Variants in GCGR observed in about 807,000 individuals in gnomAD.
The protein encoded by GCGR is glucagon receptor.
Under a neutral mutation model 56.1 loss-of-function variants are expected in GCGR, and 41 were observed. The observed-to-expected ratio is 0.73, with a 90% CI of 0.57 to 0.95. The LOEUF is 0.95. GCGR is among the 40% of genes least tolerant of loss of function. GCGR has a pLI of 0.00. For synonymous variants in GCGR, 278 were observed against 271.1 expected (o/e 1.03, Z -0.25); for missense variants, 595 against 638.2 (o/e 0.93, Z 0.73).
At position 81,810,365 on chromosome 17, in the gene GCGR, AG is replaced by A. The variant is rs922011931; in HGVS notation, c.164-454del. 9.2e-6 allele frequency: 3 copies of A among 325,086 alleles called. No homozygotes were observed. Among genetic ancestry groups the A allele is most frequent in the South Asian group, 5.8e-5 (2 of 34,428 alleles). 20.1% of individuals were successfully genotyped at this position (325,086 alleles called of 1,614,324 possible). The stretch of plus-strand genomic sequence containing the variant: ...GAGGGAGGCAGCCACCACTGGGCAG[AG>A]GGGGGCAGGTGTGGCAGCCTCCATT... On this transcript the variant is annotated intron_variant, in intron 3 of 13. Transcript: ENST00000400723. This position sits in a 1 kb window ranked among gnomAD's most constrained non-coding sequence, Gnocchi z 4.6.
chr17:81,813,819 C>G lies in GCGR; in HGVS notation c.*130C>G. 2.4e-6 allele frequency: 2 copies of G among 818,230 alleles called. No individual in the cohort carries two copies. Among genetic ancestry groups the G allele is most frequent in the South Asian group, 1.8e-5 (1 of 56,472 alleles). 50.7% of individuals were successfully genotyped at this position (818,230 alleles called of 1,614,324 possible). ...AGCAGCCCCCACCTACCCCCCACCC[C>G]CAGTGTGGCTGTCTGCGAGATTGGG... On this transcript the variant is annotated 3_prime_UTR_variant, in exon 14 of 14. Transcript: ENST00000400723. This position sits in a 1 kb window ranked among gnomAD's most constrained non-coding sequence, Gnocchi z 5.3.
At position 81,812,611 on chromosome 17, in the gene GCGR, T is replaced by C. The variant is rs1310958309; in HGVS notation, c.983T>C (p.Leu328Pro). Residue 328 changes from leucine to proline, a missense_variant, in exon 11 of 14, where the codon CTG becomes CCG. Coordinates refer to ENST00000400723, the MANE Select transcript of GCGR (RefSeq NM_000160.5). This position sits in a 1 kb window ranked among gnomAD's most constrained non-coding sequence, Gnocchi z 8.5. ...TTCATCTTCGTCCGCATCGTTCAGC[T>C]GCTCGTGGCCAAGCTGCGGGCACGG... Reference protein sequence around the residue: ...NFFIFVRIVQLLVAKLRARQM... With the variant: ...NFFIFVRIVQPLVAKLRARQM... 6.5e-7 allele frequency: 1 copy of C among 1,536,548 alleles called. No homozygotes were observed.
In GCGR at chr17:81,806,787, C is replaced by T. The variant is rs867746168; in HGVS notation, c.-177-2055C>T. On this transcript the variant is annotated intron_variant, in intron 1 of 13. Coordinates refer to ENST00000400723, the MANE Select transcript of GCGR (RefSeq NM_000160.5). This position sits in a 1 kb window ranked among gnomAD's most constrained non-coding sequence, Gnocchi z 6.5. ...CCTCCCCCCAGGGTGAGCACGCGTC[C>T]CCCCCCACCCCCACTTCGAGGCGCC... 1.2e-3 allele frequency among the ~76,000 whole-genome samples: 1 copy of T among 802 alleles called. No individual in the cohort carries two copies. The allele number at this position is 802 out of a possible 152,430, so 0.5% of individuals were successfully genotyped here. A position where few individuals can be genotyped will look rare whatever the true frequency, so the allele number is the denominator to read the frequency against.
At chr17:81,809,322 A>C (rs1285658501) in intron 2 of GCGR, among the ~76,000 whole-genome samples, 1 of 87,376 alleles carries the variant, frequency 1.1e-5, no homozygotes, top group African/African-American at 4.8e-5. Context: ...CCATCTGTCC[A>C]TCTGCCTATC....
At chr17:81,807,945 C>T (rs1389845549) in intron 1 of GCGR, among the ~76,000 whole-genome samples, 1 of 152,218 alleles carries the variant, frequency 6.6e-6, no homozygotes. Flanking sequence ...ACCCTGTGCC[C>T]CCACCCTAGG....
At chr17:81,809,197 CGTCTGCCT>C (rs2038024853) in intron 2 of GCGR, 119 bp downstream of exon 2, 1 of 1,148,514 alleles carries the variant, frequency 8.7e-7, no homozygotes, top group South Asian at 1.6e-5. Flanking sequence ...TCTGTCTGCC[CGTCTGCCT>C]GCCCATCTGC....
At position 81,810,972 on chromosome 17, in the gene GCGR, A is replaced by G. The variant is rs2272030; in HGVS notation, c.272-38A>G. The G allele has an allele frequency of 0.22, 267,040 of 1,193,464 alleles. 23,391 individuals carry two copies. Among genetic ancestry groups the G allele is most frequent in the East Asian group, 0.27 (8,118 of 30,128 alleles). The allele number at this position is 1,193,464 out of a possible 1,614,324, so 73.9% of individuals were successfully genotyped here. A position where few individuals can be genotyped will look rare whatever the true frequency, so the allele number is the denominator to read the frequency against. Reference sequence around the variant, plus strand: ...GAGGAACTGTGGGGGGGGCGGGCCCAGGGTGGGGCTGACCCCAGCCTCCCC... The same window carrying G: ...GAGGAACTGTGGGGGGGGCGGGCCCGGGGTGGGGCTGACCCCAGCCTCCCC... On this transcript the variant is annotated intron_variant, in intron 4 of 13. Transcript: ENST00000400723. The surrounding 1 kb of genome is among the most constrained non-coding windows in gnomAD (Gnocchi z 4.6).
chr17:81,809,524 T>C (rs1037880203), intron 2 of GCGR, among the ~76,000 whole-genome samples: 4 of 148,082 alleles, frequency 2.7e-5, no homozygotes, highest in South Asian at 4.3e-4. Flanking sequence ...TCTGCCTGCC[T>C]GTCTGCCTGT....
chr17:81,812,833 T>C lies in GCGR; in HGVS notation c.1064T>C (p.Ile355Thr). The change falls in exon 12 of 14, where the codon ATC becomes ACC. Residue 355 changes from isoleucine to threonine, a missense_variant. Coordinates refer to ENST00000400723, the MANE Select transcript of GCGR (RefSeq NM_000160.5). This position sits in a 1 kb window ranked among gnomAD's most constrained non-coding sequence, Gnocchi z 8.5. The stretch of plus-strand genomic sequence containing the variant: ...CTGGCCAAGTCCACGCTGACCCTCA[T>C]CCCTCTGCTGGGCGTCCACGAAGTG... ...FRLAKSTLTL[I>T]PLLGVHEVVF... 1 of 1,535,846 alleles carries C rather than the reference T, an allele frequency of 6.5e-7. No individual in the cohort carries two copies. Among genetic ancestry groups the C allele is most frequent in the Non-Finnish European group, 8.7e-7 (1 of 1,146,734 alleles).
intron 1 of GCGR, among the ~76,000 whole-genome samples, chr17:81,808,622 C>T (rs955720884): frequency 1.3e-5 from 2 of 151,844 alleles, no homozygotes; most frequent in African/African-American, 2.4e-5. Flanking sequence ...CGGGTTCACG[C>T]CATTCTCCTG....
Position 81,811,725 on chromosome 17 carries a change from G to A in GCGR, c.732G>A (p.Val244=). ...TGGCCAACTACTGCTGGCTGCTGGT[G>A]GAGGGCCTGTACCTGCACAACCTGC... ...GIVANYCWLL[V]EGLYLHNLLG... The change falls in exon 8 of 14, where the codon GTG becomes GTA. Residue 244 remains valine, a synonymous_variant. Coordinates refer to ENST00000400723, the MANE Select transcript of GCGR (RefSeq NM_000160.5). The surrounding 1 kb of genome is among the most constrained non-coding windows in gnomAD (Gnocchi z 5.8). 6.5e-7 allele frequency: 1 copy of A among 1,544,424 alleles called. No homozygotes were observed. Among genetic ancestry groups the A allele is most frequent in the Admixed American group, 1.9e-5 (1 of 51,794 alleles).
Position 81,804,275 on chromosome 17 carries a change from G to T in GCGR, c.-178+26G>T. 6.6e-6 allele frequency: 1 copy of T among 151,918 alleles called. No individual in the cohort carries two copies. The highest frequency in any genetic ancestry group is 1.9e-4 in the South Asian group (1 of 5,278). 9.4% of individuals were successfully genotyped at this position (151,918 alleles called of 1,614,324 possible). On this transcript the variant is annotated intron_variant, in intron 1 of 13. Transcript: ENST00000400723. The surrounding 1 kb of genome is among the most constrained non-coding windows in gnomAD (Gnocchi z 8.2). ...GTGAGCACCTGGGCCGCGGCCCCGA[G>T]GGGACGTTGGGGAGTCGACCCGGTG... is the stretch of plus-strand genomic sequence containing the variant.
At position 81,813,161 on chromosome 17, in the gene GCGR, A is replaced by T; in HGVS notation, c.1218+104A>T. 1 of 1,483,306 alleles carries T rather than the reference A, an allele frequency of 6.7e-7. No individual in the cohort carries two copies. The highest frequency in any genetic ancestry group is 2.0e-5 in the Admixed American group (1 of 50,892). The allele number at this position is 1,483,306 out of a possible 1,614,324, so 91.9% of individuals were successfully genotyped here. A position where few individuals can be genotyped will look rare whatever the true frequency, so the allele number is the denominator to read the frequency against. On this transcript the variant is annotated intron_variant, in intron 13 of 13. Coordinates refer to ENST00000400723, the MANE Select transcript of GCGR (RefSeq NM_000160.5). The surrounding 1 kb of genome is among the most constrained non-coding windows in gnomAD (Gnocchi z 5.3). ...GCCCCACCCCTGCCCGGGGGTTGGA[A>T]CACGTGGGGCCCAAGCCTTTCCCTC...
Position 81,813,855 on chromosome 17 carries a change from C to T in GCGR, c.*166C>T, listed in dbSNP as rs908839326. Reference sequence around the variant, plus strand: ...GTCTGCGAGATTGGGCCTCCTCTCCCTGCACCTGCCTTGTCCCTGGTGCAG... The same window carrying T: ...GTCTGCGAGATTGGGCCTCCTCTCCTTGCACCTGCCTTGTCCCTGGTGCAG... On this transcript the variant is annotated 3_prime_UTR_variant, in exon 14 of 14. Transcript: ENST00000400723. This position sits in a 1 kb window ranked among gnomAD's most constrained non-coding sequence, Gnocchi z 5.3. 1.3e-4 allele frequency: 81 copies of T among 642,716 alleles called. No individual in the cohort carries two copies. The African/African-American group carries it at 1.3e-3, about 11-fold the overall frequency. The allele number at this position is 642,716 out of a possible 1,614,324, so 39.8% of individuals were successfully genotyped here.
rs1172527092 is a variant in GCGR, at chr17:81,812,346, C to T, written c.948+94C>T. On this transcript the variant is annotated intron_variant, in intron 10 of 13. Coordinates refer to ENST00000400723, the MANE Select transcript of GCGR (RefSeq NM_000160.5). The surrounding 1 kb of genome is among the most constrained non-coding windows in gnomAD (Gnocchi z 8.5). ...GAGACAGCAGCATCCTGTCTGAGAGCGCTGGGAGGGAGCCGGCACCCAGAC... is the reference window on the plus strand; with the variant it reads ...GAGACAGCAGCATCCTGTCTGAGAGTGCTGGGAGGGAGCCGGCACCCAGAC... 18 of 1,403,770 alleles carry T rather than the reference C, an allele frequency of 1.3e-5. No individual in the cohort carries two copies. The highest frequency in any genetic ancestry group is 5.0e-5 in the East Asian group (2 of 40,166). 87.0% of individuals were successfully genotyped at this position (1,403,770 alleles called of 1,614,324 possible). A position where few individuals can be genotyped will look rare whatever the true frequency, so the allele number is the denominator to read the frequency against.
In GCGR at chr17:81,812,882, G is replaced by C; in HGVS notation, c.1113G>C (p.Glu371Asp). 6.5e-7 allele frequency: 1 copy of C among 1,536,108 alleles called. No homozygotes were observed. Among genetic ancestry groups the C allele is most frequent in the Non-Finnish European group, 8.7e-7 (1 of 1,146,762 alleles). The change falls in exon 12 of 14, where the codon GAG becomes GAC. Residue 371 changes from glutamate (E) to aspartate (D), a missense_variant. Physicochemically the swap from Glu to Asp is conservative, Grantham distance 45 (BLOSUM62 2). Transcript: ENST00000400723. This position sits in a 1 kb window ranked among gnomAD's most constrained non-coding sequence, Gnocchi z 8.5. Reference sequence around the variant, plus strand: ...TGGTCTTCGCCTTCGTGACGGACGAGCACGCCCAGGGCACCCTGCGCTCCG... The same window carrying C: ...TGGTCTTCGCCTTCGTGACGGACGACCACGCCCAGGGCACCCTGCGCTCCG... ...HEVVFAFVTD[E>D]HAQGTLRSAK...
At position 81,811,776 on chromosome 17, in the gene GCGR, G is replaced by A. The variant is rs373969028; in HGVS notation, c.783G>A (p.Arg261=). Residue 261 remains arginine (R), a synonymous_variant, in exon 8 of 14, where the codon AGG becomes AGA. Coordinates refer to ENST00000400723, the MANE Select transcript of GCGR (RefSeq NM_000160.5). The surrounding 1 kb of genome is among the most constrained non-coding windows in gnomAD (Gnocchi z 5.8). ...NLLGLATLPE[R]SFFSLYLGIG... ...TGGGCCTGGCCACCCTCCCCGAGAG[G>A]AGCTTCTTCAGCCTCTACCTGGGCA... The A allele has an allele frequency of 2.3e-4, 360 of 1,537,774 alleles. 1 individual carries two copies. In the African/African-American group the frequency reaches 4.6e-3, roughly 20 times the overall value.
chr17:81,811,483 A>C lies in GCGR; in HGVS notation c.580A>C (p.Ile194Leu). 2 of 1,536,656 alleles carry C rather than the reference A, an allele frequency of 1.3e-6. No homozygotes were observed. Among genetic ancestry groups the C allele is most frequent in the Non-Finnish European group, 1.7e-6 (2 of 1,146,866 alleles). The change falls in exon 7 of 14, where the codon ATT (isoleucine) becomes CTT (leucine). Residue 194 changes from isoleucine (I) to leucine (L), a missense_variant. Ile to Leu is a conservative substitution (Grantham distance 5). Transcript: ENST00000400723. The surrounding 1 kb of genome is among the most constrained non-coding windows in gnomAD (Gnocchi z 5.8). ...FVLKASSVLVIDGLLRTRYSQ... is the reference protein window; with the variant it reads ...FVLKASSVLVLDGLLRTRYSQ... ...GCTGAAAGCCAGCTCCGTGCTGGTCATTGATGGGCTGCTCAGGACCCGCTA... is the reference window on the plus strand; with the variant it reads ...GCTGAAAGCCAGCTCCGTGCTGGTCCTTGATGGGCTGCTCAGGACCCGCTA...
rs1598236531 is a variant in GCGR, at chr17:81,810,232, G to A, written c.163+348G>A. ...AGGGCGTGGAAGCTGGGACCCAGGG[G>A]CCTGGGAGGGCTCGGGTGGAGAGTG... On this transcript the variant is annotated intron_variant, in intron 3 of 13. Transcript: ENST00000400723. The surrounding 1 kb of genome is among the most constrained non-coding windows in gnomAD (Gnocchi z 4.6). 2.4e-6 allele frequency: 1 copy of A among 412,018 alleles called. No individual in the cohort carries two copies. Among genetic ancestry groups the A allele is most frequent in the South Asian group, 2.1e-5 (1 of 47,708 alleles). The allele number at this position is 412,018 out of a possible 1,614,324, so 25.5% of individuals were successfully genotyped here. A position where few individuals can be genotyped will look rare whatever the true frequency, so the allele number is the denominator to read the frequency against.
Sources: gnomAD v4.1 joint callset for allele counts (sites outside exome capture counted in the v4.1 genomes callset) on GRCh38, gnomAD v4.1.1 for gene constraint, Gnocchi (gnomAD v3.1) non-coding constraint, MANE v1.5 for transcripts, NCBI Gene and HGNC (gene_info 2026-07-23, HGNC 2026-07-21) for gene names.